Variants in HDX observed in about 807,000 individuals in gnomAD.
The protein encoded by HDX is highly divergent homeobox, also known as chromosome X open reading frame 43.
A neutral mutation model predicts 45.2 loss-of-function variants in HDX; 19 were observed. That is an observed-to-expected ratio of 0.42 (90% CI 0.29 to 0.62). The LOEUF is 0.62. Among genes scored for constraint, HDX ranks in the 20% least tolerant of loss-of-function variants. The probability of loss-of-function intolerance (pLI) is 0.20; values close to 1 mark genes in which losing one functional copy is unlikely to be tolerated. For synonymous variants in HDX, 188 were observed against 172.8 expected (o/e 1.09, Z -0.69); for missense variants, 532 against 493.9 (o/e 1.08, Z -0.73).
intron 5 of HDX, among the ~76,000 whole-genome samples, chrX:84,407,382 A>C (rs1569322323): frequency 9.0e-6 from 1 of 111,317 alleles, no homozygotes; most frequent in Non-Finnish European, 1.9e-5. Flanking sequence ...GGGGCAAAGG[A>C]CATTATCTTG....
At position 84,349,915 on chromosome X, in the gene HDX, A is replaced by G. The variant is rs182727043; in HGVS notation, c.1453-5458T>C. Among the ~76,000 whole-genome samples the G allele has an allele frequency of 3.5e-3, 384 of 109,472 alleles. 1 individual carries two copies. The highest frequency in any genetic ancestry group is 0.012 in the African/African-American group (356 of 30,087). Reference sequence around the variant, plus strand: ...TAATAGACAATGAAAACTCTAAAACATGGGAGGGTAGAAGAGGGGTGAGGG... The same window carrying G: ...TAATAGACAATGAAAACTCTAAAACGTGGGAGGGTAGAAGAGGGGTGAGGG... On this transcript the variant is annotated intron_variant, in intron 6 of 10. Coordinates refer to ENST00000373177, the MANE Select transcript of HDX (RefSeq NM_001177479.2).
intron 6 of HDX, among the ~76,000 whole-genome samples, chrX:84,349,376 T>C (rs2037279776): frequency 9.5e-6 from 1 of 105,262 alleles, no homozygotes; most frequent in Admixed American, 1.1e-4. Flanking sequence ...TATTCCCTTA[T>C]GACTTATTTA....
intron 2 of HDX, among the ~76,000 whole-genome samples, chrX:84,485,912 C>G (rs1241565215): frequency 8.9e-6 from 1 of 111,866 alleles, no homozygotes; most frequent in Non-Finnish European, 1.9e-5. Flanking sequence ...TATCACTTTC[C>G]ATATTGTATT....
chrX:84,400,162 C>G (rs1456915853), intron 5 of HDX, among the ~76,000 whole-genome samples: 1 of 109,402 alleles, frequency 9.1e-6, no homozygotes, highest in Non-Finnish European at 1.9e-5. Flanking sequence ...CAAGGATGCT[C>G]TCTCTCACCA....
At position 84,468,953 on chromosome X, in the gene HDX, G is replaced by C; in HGVS notation, c.770C>G (p.Thr257Arg). The C allele has an allele frequency of 8.3e-7, 1 of 1,211,749 alleles. No individual in the cohort carries two copies. The change falls in exon 4 of 11, where the codon ACA becomes AGA. Residue 257 changes from threonine to arginine, a missense_variant. Around this residue, in one of 3 missense-constraint regions of HDX, gnomAD observed 376 missense variants for 343.7 expected, o/e 1.09. Coordinates refer to ENST00000373177, the MANE Select transcript of HDX (RefSeq NM_001177479.2). ...KPTIRDPYCRTQNLEIREVFS... is the reference protein window; with the variant it reads ...KPTIRDPYCRRQNLEIREVFS... ...CACTTCACGGATTTCCAAGTTTTGT[G>C]TTCTACAGTAAGGGTCTCTAATAGT...
At chrX:84,370,242 A>T (rs2037860002) in intron 5 of HDX, among the ~76,000 whole-genome samples, 1 of 111,611 alleles carries the variant, frequency 9.0e-6, no homozygotes, top group Admixed American at 9.5e-5. Context: ...TTGGGACTGG[A>T]ATTTACTGGA....
At chrX:84,484,494 G>A (rs765540590) in intron 2 of HDX, among the ~76,000 whole-genome samples, 40 of 95,248 alleles carry the variant, frequency 4.2e-4, no homozygotes, top group Non-Finnish European at 3.7e-4. Flanking sequence ...AAAATAGCAT[G>A]AGGGATACCA....
chrX:84,498,900 C>T (rs1462729850), intron 1 of HDX, among the ~76,000 whole-genome samples: 1 of 109,640 alleles, frequency 9.1e-6, no homozygotes, highest in African/African-American at 3.3e-5. Context: ...CTAGCTAAAG[C>T]TCTGCCAAAA....
chrX:84,378,625 A>C (rs2038115094), intron 5 of HDX, among the ~76,000 whole-genome samples: 3 of 111,588 alleles, frequency 2.7e-5, no homozygotes, highest in Non-Finnish European at 5.7e-5. Flanking sequence ...GCCTCATGAT[A>C]ACCTCAAACA....
chrX:84,406,781 T>C (rs1218479466), intron 5 of HDX, among the ~76,000 whole-genome samples: 1 of 111,145 alleles, frequency 9.0e-6, no homozygotes, highest in Non-Finnish European at 1.9e-5. Flanking sequence ...CAGAAGGCTT[T>C]CTTACTATAT....
chrX:84,399,600 A>G (rs2038649732), intron 5 of HDX, among the ~76,000 whole-genome samples: 1 of 111,652 alleles, frequency 9.0e-6, no homozygotes, highest in Non-Finnish European at 1.9e-5. Context: ...AAAGCCCAAG[A>G]GCAGACATAT....
chrX:84,415,544 A>G, intron 5 of HDX, among the ~76,000 whole-genome samples: 1 of 111,916 alleles, frequency 8.9e-6, no homozygotes, highest in Non-Finnish European at 1.9e-5. Flanking sequence ...CTTCTCTGTT[A>G]TGTGGCTTCT....
chrX:84,373,520 G>C (rs1024290961), intron 5 of HDX, among the ~76,000 whole-genome samples: 4 of 110,357 alleles, frequency 3.6e-5, no homozygotes, highest in Non-Finnish European at 7.6e-5. Context: ...ATAAAATACT[G>C]GCAAACCGAA....
At chrX:84,430,405 T>C (rs2148033478) in intron 5 of HDX, among the ~76,000 whole-genome samples, 1 of 111,471 alleles carries the variant, frequency 9.0e-6, no homozygotes, top group South Asian at 3.7e-4. Context: ...ACATTTTCTT[T>C]ATCCATTCAT....
At chrX:84,394,434 G>T (rs996416127) in intron 5 of HDX, among the ~76,000 whole-genome samples, 2 of 111,879 alleles carry the variant, frequency 1.8e-5, no homozygotes, top group Non-Finnish European at 3.8e-5. Context: ...GTATCCTGGA[G>T]AAAGTTTTAT....
intron 5 of HDX, among the ~76,000 whole-genome samples, chrX:84,368,904 T>C (rs1008393890): frequency 4.5e-5 from 5 of 110,942 alleles, no homozygotes; most frequent in Admixed American, 2.9e-4. Context: ...ACCCCTTGCA[T>C]GCACAGTTCA....
chrX:84,400,957 A>T (rs1365026239), intron 5 of HDX, among the ~76,000 whole-genome samples: 1 of 112,067 alleles, frequency 8.9e-6, no homozygotes, highest in African/African-American at 3.2e-5. Flanking sequence ...TGGGGAAAGG[A>T]TTCCCTGTTT....
intron 5 of HDX, among the ~76,000 whole-genome samples, chrX:84,418,369 G>A (rs1286202410): frequency 6.3e-5 from 7 of 111,630 alleles, no homozygotes; most frequent in Admixed American, 9.5e-5. Context: ...AAAATAATGC[G>A]TGAAAAAAAT....
chrX:84,459,649 G>A, intron 4 of HDX, among the ~76,000 whole-genome samples: 1 of 101,216 alleles, frequency 9.9e-6, no homozygotes, highest in African/African-American at 3.5e-5. Flanking sequence ...AGAAAAGAAA[G>A]AGCAAACAAA....
Sources: gnomAD v4.1 joint callset for allele counts (sites outside exome capture counted in the v4.1 genomes callset) on GRCh38, gnomAD v4.1.1 for gene constraint, gnomAD v4.1.1 regional missense constraint, MANE v1.5 for transcripts, NCBI Gene and HGNC (gene_info 2026-07-23, HGNC 2026-07-21) for gene names.